The following PCYT1A variants were observed in gnomAD, a reference collection of about 807,000 sequenced individuals.
PCYT1A encodes phosphate cytidylyltransferase 1A, choline, also known as choline-phosphate cytidylyltransferase A.
Under a neutral mutation model 43.7 loss-of-function variants are expected in PCYT1A, and 25 were observed. The ratio of observed to expected loss-of-function variants is 0.57; its 90% CI spans 0.42 to 0.80. PCYT1A has a LOEUF of 0.80. PCYT1A is among the 30% of genes least tolerant of loss of function. The probability of loss-of-function intolerance (pLI) is 0.00; values close to 1 mark genes in which losing one functional copy is unlikely to be tolerated. For missense variants in PCYT1A, 421 were observed against 474.2 expected, an observed-to-expected ratio of 0.89 and a Z score of 1.04; for synonymous variants, 172 against 170.7, an observed-to-expected ratio of 1.01 and a Z score of -0.06.
Position 196,237,506 on chromosome 3 carries a change from TC to T in PCYT1A, c.*1181del, listed in dbSNP as rs1724204454. The T allele has an allele frequency of 6.6e-6, 1 of 151,672 alleles. No individual in the cohort carries two copies. The allele number at this position is 151,672 out of a possible 1,614,324, so 9.4% of individuals were successfully genotyped here. The stretch of plus-strand genomic sequence containing the variant: ...TTGCTGGAGGAGCAGCAGAGGGAGG[TC>T]CCTGCCAGCTGCAGCTCTCAGAGGA... On this transcript the variant is annotated 3_prime_UTR_variant, in exon 9 of 9. Transcript: ENST00000431016.
intron 3 of PCYT1A, among the ~76,000 whole-genome samples, chr3:196,248,672 AC>A (rs369919251): frequency 4.7e-5 from 7 of 150,406 alleles, no homozygotes; most frequent in African/African-American, 7.3e-5. Context: ...ATGCCAAGCC[AC>A]AAAAATACAT....
At chr3:196,241,886 G>A (rs776505117) in intron 7 of PCYT1A, 62 bp downstream of exon 7, 14 of 1,578,354 alleles carry the variant, frequency 8.9e-6, no homozygotes, top group Non-Finnish European at 1.2e-5. Flanking sequence ...CAGCTGAGAT[G>A]GAGTGGGAGG....
At position 196,237,838 on chromosome 3, in the gene PCYT1A, T is replaced by C. The variant is rs1340068258; in HGVS notation, c.*850A>G. On this transcript the variant is annotated 3_prime_UTR_variant, in exon 9 of 9. Transcript: ENST00000431016. The stretch of plus-strand genomic sequence containing the variant: ...AATCGACTTGGTATAGGATTGAGTA[T>C]TGTCCCGCTCCTCTCCTCATCATTG... 6.6e-6 allele frequency: 1 copy of C among 152,240 alleles called. No homozygotes were observed. Among genetic ancestry groups the C allele is most frequent in the Non-Finnish European group, 1.5e-5 (1 of 68,048 alleles). 9.4% of individuals were successfully genotyped at this position (152,240 alleles called of 1,614,324 possible). A position where few individuals can be genotyped will look rare whatever the true frequency, so the allele number is the denominator to read the frequency against.
At chr3:196,243,609 A>G (rs1016104228) in intron 5 of PCYT1A, among the ~76,000 whole-genome samples, 1 of 150,718 alleles carries the variant, frequency 6.6e-6, no homozygotes, top group African/African-American at 2.5e-5. Flanking sequence ...TACTGCCGCC[A>G]TCTCTGCTCA....
intron 3 of PCYT1A, among the ~76,000 whole-genome samples, chr3:196,254,356 GTATT>G (rs1394527865): frequency 2.6e-5 from 4 of 151,382 alleles, no homozygotes; most frequent in African/African-American, 7.3e-5. Context: ...TTTTATTTAT[GTATT>G]TATTTATTTT....
intron 1 of PCYT1A, among the ~76,000 whole-genome samples, chr3:196,286,876 T>C (rs967990395): frequency 6.6e-6 from 1 of 152,174 alleles, no homozygotes; most frequent in Non-Finnish European, 1.5e-5. Context: ...ATCGCGCCAC[T>C]GCGCTCCAGC....
chr3:196,251,807 T>C (rs1189290291), intron 3 of PCYT1A, among the ~76,000 whole-genome samples: 1 of 152,264 alleles, frequency 6.6e-6, no homozygotes, highest in East Asian at 1.9e-4. Context: ...TGGCCTGTTA[T>C]AGGGATACCA....
chr3:196,260,108 A>G (rs1441133496), intron 2 of PCYT1A, among the ~76,000 whole-genome samples: 1 of 151,242 alleles, frequency 6.6e-6, no homozygotes, highest in Non-Finnish European at 1.5e-5. Context: ...TTTTTAGTAG[A>G]GACAGGGTTT....
In PCYT1A at chr3:196,272,292, C is replaced by T. The variant is rs113144098; in HGVS notation, c.-10-1751G>A. Among the ~76,000 whole-genome samples, 747 of 152,034 alleles carry T rather than the reference C, an allele frequency of 4.9e-3. 7 individuals carry two copies. Among genetic ancestry groups the T allele is most frequent in the African/African-American group, 0.017 (708 of 41,466 alleles). ...CTCCGCCTCCCAGGTTCAAGCGATT[C>T]TCCTGCCTCAGCCTCCTGAGTAGGT... On this transcript the variant is annotated intron_variant, in intron 1 of 8. Coordinates refer to ENST00000431016, the MANE Select transcript of PCYT1A (RefSeq NM_001312673.2).
chr3:196,240,216 G>A (rs1158644162), intron 7 of PCYT1A, among the ~76,000 whole-genome samples: 2 of 151,826 alleles, frequency 1.3e-5, no homozygotes, highest in East Asian at 3.9e-4. Flanking sequence ...TCTATCACTG[G>A]CTTATTCTAT....
rs1724209774 is a variant in PCYT1A, at chr3:196,237,765, A to AT, written c.*922dup. ...GCTAGGTAATATTAATAGCATTCAAATAGGAGTAGCAGGGCCAGGCACTTA... is the reference window on the plus strand; with the variant it reads ...GCTAGGTAATATTAATAGCATTCAAATTAGGAGTAGCAGGGCCAGGCACTTA... On this transcript the variant is annotated 3_prime_UTR_variant, in exon 9 of 9. Transcript: ENST00000431016. 1 of 152,234 alleles carries AT rather than the reference A, an allele frequency of 6.6e-6. No individual in the cohort carries two copies. The highest frequency in any genetic ancestry group is 2.1e-4 in the South Asian group (1 of 4,834). 9.4% of individuals were successfully genotyped at this position (152,234 alleles called of 1,614,324 possible).
In PCYT1A at chr3:196,238,450, G is replaced by C. The variant is rs891064666; in HGVS notation, c.*238C>G. ...AACAGTGAAACAAAGCCCTTGGGGG[G>C]GGGTAAATGGATGCAGAGCAGGCTT... On this transcript the variant is annotated 3_prime_UTR_variant, in exon 9 of 9. Coordinates refer to ENST00000431016, the MANE Select transcript of PCYT1A (RefSeq NM_001312673.2). 3.6e-5 allele frequency: 13 copies of C among 363,336 alleles called. No homozygotes were observed. In the East Asian group the frequency reaches 4.0e-4, roughly 11 times the overall value. 22.5% of individuals were successfully genotyped at this position (363,336 alleles called of 1,614,324 possible).
intron 2 of PCYT1A, among the ~76,000 whole-genome samples, chr3:196,260,559 T>C (rs1725078711): frequency 6.6e-6 from 1 of 152,090 alleles, no homozygotes; most frequent in African/African-American, 2.4e-5. Flanking sequence ...AAAAAACAAC[T>C]ATGTCAGGCA....
At chr3:196,245,889 T>C (rs1231361373) in intron 5 of PCYT1A, among the ~76,000 whole-genome samples, 2 of 149,772 alleles carry the variant, frequency 1.3e-5, no homozygotes, top group African/African-American at 5.0e-5. Flanking sequence ...AGGCGGAGGT[T>C]GCGGTGATCC....
At chr3:196,261,644 G>C (rs1272347569) in intron 2 of PCYT1A, among the ~76,000 whole-genome samples, 3 of 152,036 alleles carry the variant, frequency 2.0e-5, no homozygotes, top group Non-Finnish European at 4.4e-5. Flanking sequence ...ACAAAACTTA[G>C]CCAGGTGGGG....
At chr3:196,239,781 C>G in intron 7 of PCYT1A, 46 bp from the exon 8 acceptor site, 1 of 1,301,080 alleles carries the variant, frequency 7.7e-7, no homozygotes, top group Non-Finnish European at 1.1e-6. Context: ...TCATCCTAAA[C>G]TTCTCTACCA....
Position 196,278,192 on chromosome 3 carries a change from A to G in PCYT1A, c.-10-7651T>C, listed in dbSNP as rs921451510. ...CATCGTGTTGGCTTCTTAATTTGTTACACTGAAACTTAGGTGTACCTAAAG... is the reference window on the plus strand; with the variant it reads ...CATCGTGTTGGCTTCTTAATTTGTTGCACTGAAACTTAGGTGTACCTAAAG... On this transcript the variant is annotated intron_variant, in intron 1 of 8. Coordinates refer to ENST00000431016, the MANE Select transcript of PCYT1A (RefSeq NM_001312673.2). 2.6e-5 allele frequency among the ~76,000 whole-genome samples: 4 copies of G among 152,192 alleles called. No individual in the cohort carries two copies. The East Asian group carries it at 7.7e-4, about 29-fold the overall frequency.
At position 196,236,092 on chromosome 3, in the gene PCYT1A, C is replaced by T. The variant is rs1003196944; in HGVS notation, c.*2596G>A. ...GGCCCTAGCAGTCTCAGAGGCCTGT[C>T]AGCCTGCAGGTCCCGTTCCAAGCAC... On this transcript the variant is annotated 3_prime_UTR_variant, in exon 9 of 9. Transcript: ENST00000431016. 6.6e-6 allele frequency: 1 copy of T among 152,244 alleles called. No individual in the cohort carries two copies. The highest frequency in any genetic ancestry group is 2.4e-5 in the African/African-American group (1 of 41,458). The allele number at this position is 152,244 out of a possible 1,614,324, so 9.4% of individuals were successfully genotyped here.
intron 2 of PCYT1A, among the ~76,000 whole-genome samples, chr3:196,259,798 T>C (rs952145856): frequency 4.7e-5 from 7 of 148,990 alleles, no homozygotes; most frequent in African/African-American, 1.5e-4. Context: ...TGAGCTGAGA[T>C]TGCCCCACTG....
Sources: gnomAD v4.1 joint callset for allele counts (sites outside exome capture counted in the v4.1 genomes callset) on GRCh38, gnomAD v4.1.1 for gene constraint, MANE v1.5 for transcripts, NCBI Gene and HGNC (gene_info 2026-07-23, HGNC 2026-07-21) for gene names.